The following RPA3 variants were observed in gnomAD, a reference collection of about 807,000 sequenced individuals.
The protein encoded by RPA3 is replication protein A 14 kDa subunit.
Under a neutral mutation model 13.7 loss-of-function variants are expected in RPA3, and 24 were observed. The ratio of observed to expected loss-of-function variants is 1.75; its 90% confidence interval spans 1.27 to 2.46. The LOEUF (loss-of-function observed/expected upper bound fraction) is 2.46. Among genes scored for constraint, RPA3 ranks in the 30% most tolerant of loss-of-function variants. The pLI is 0.00. For synonymous variants in RPA3, 59 were observed against 51.2 expected, an observed-to-expected ratio of 1.15 and a Z score of -0.65; for missense variants, 183 against 151.0, an observed-to-expected ratio of 1.21 and a Z score of -1.11.
intron 2 of RPA3, among the ~76,000 whole-genome samples, chr7:7,688,046 T>C (rs1376664741): frequency 1.3e-5 from 2 of 152,178 alleles, no homozygotes; most frequent in Non-Finnish European, 2.9e-5. Context: ...GCTGTTGCTA[T>C]GTTAGGGGTT....
At chr7:7,697,389 A>T (rs1780347017) in intron 2 of RPA3, among the ~76,000 whole-genome samples, 2 of 152,222 alleles carry the variant, frequency 1.3e-5, no homozygotes, top group Non-Finnish European at 2.9e-5. Flanking sequence ...CCTATGAAAC[A>T]GATAAATTAT....
intron 4 of RPA3, among the ~76,000 whole-genome samples, chr7:7,647,366 A>G (rs1427803048): frequency 6.6e-6 from 1 of 152,200 alleles, no homozygotes; most frequent in Non-Finnish European, 1.5e-5. Context: ...ATATGAGACT[A>G]ATTCTTTGAA....
intron 4 of RPA3, among the ~76,000 whole-genome samples, chr7:7,662,162 A>G (rs35972092): frequency 2.8e-4 from 42 of 152,148 alleles, no homozygotes; most frequent in Non-Finnish European, 4.9e-4. Flanking sequence ...CCTTCCCCCC[A>G]CCAAGCTCGA....
At chr7:7,646,303 C>G (rs986527919) in intron 4 of RPA3, among the ~76,000 whole-genome samples, 1 of 84,262 alleles carries the variant, frequency 1.2e-5, no homozygotes, top group African/African-American at 4.1e-5. Flanking sequence ...TACGGTTTGG[C>G]TGTGCCCCAC....
At chr7:7,659,002 A>G (rs1353844636) in intron 4 of RPA3, among the ~76,000 whole-genome samples, 1 of 152,154 alleles carries the variant, frequency 6.6e-6, no homozygotes, top group Non-Finnish European at 1.5e-5. Flanking sequence ...TGGTCTATTC[A>G]GGGATTCGAC....
At position 7,640,663 on chromosome 7, in the gene RPA3, CA is replaced by C. The variant is rs1784946058; in HGVS notation, c.-246del. 2 of 524,704 alleles carry C rather than the reference CA, an allele frequency of 3.8e-6. No individual in the cohort carries two copies. The highest frequency in any genetic ancestry group is 6.8e-6 in the Non-Finnish European group (2 of 292,730). 32.5% of individuals were successfully genotyped at this position (524,704 alleles called of 1,614,324 possible). A position where few individuals can be genotyped will look rare whatever the true frequency, so the allele number is the denominator to read the frequency against. On this transcript the variant is annotated 5_prime_UTR_variant, in exon 5 of 8. Transcript: ENST00000223129. ...TGACGCGCGGCGTCCCGGAAGTTGA[CA>C]GATACAGGGCGAGAGGCAGTGGAGG... is the stretch of plus-strand genomic sequence containing the variant.
At chr7:7,648,838 G>A (rs542129791) in intron 4 of RPA3, among the ~76,000 whole-genome samples, 11 of 151,284 alleles carry the variant, frequency 7.3e-5, no homozygotes, top group Non-Finnish European at 1.5e-4. Context: ...GGGCGACAGA[G>A]TGAGACCCTG....
intron 4 of RPA3, among the ~76,000 whole-genome samples, chr7:7,649,750 C>T (rs1314879080): frequency 6.6e-6 from 1 of 151,824 alleles, no homozygotes; most frequent in Non-Finnish European, 1.5e-5. Context: ...CTCTCTCCCC[C>T]CACCCAATTC....
intron 4 of RPA3, among the ~76,000 whole-genome samples, chr7:7,673,948 G>T (rs1413037318): frequency 6.6e-6 from 1 of 152,122 alleles, no homozygotes; most frequent in Non-Finnish European, 1.5e-5. Flanking sequence ...AAAGGTTTTA[G>T]TGTCTTTAAA....
At chr7:7,656,105 G>T (rs1785335885) in intron 4 of RPA3, among the ~76,000 whole-genome samples, 1 of 152,034 alleles carries the variant, frequency 6.6e-6, no homozygotes, top group Non-Finnish European at 1.5e-5. Flanking sequence ...AAAGTACTGA[G>T]ATTACAGGCA....
chr7:7,647,412 A>T (rs910458259), intron 4 of RPA3, among the ~76,000 whole-genome samples: 2 of 152,232 alleles, frequency 1.3e-5, no homozygotes, highest in Non-Finnish European at 2.9e-5. Context: ...TATTAGGAAC[A>T]TGGACAATTT....
intron 4 of RPA3, among the ~76,000 whole-genome samples, chr7:7,680,837 C>G (rs1779890895): frequency 6.6e-6 from 1 of 151,296 alleles, no homozygotes; most frequent in South Asian, 2.1e-4. Context: ...GTTTCTTTTT[C>G]AAATTGTTTG....
chr7:7,673,652 C>T (rs563590108), intron 4 of RPA3, among the ~76,000 whole-genome samples: 1 of 151,788 alleles, frequency 6.6e-6, no homozygotes, highest in Admixed American at 6.6e-5. Flanking sequence ...ACTTTTCTTC[C>T]GTGTTGATTT....
Position 7,640,376 on chromosome 7 carries a change from CG to C in RPA3, c.42del (p.Gly15AlafsTer3). ...MMDLPRSRINAGMLAQFIDKP... is the reference protein window; with the variant it reads ...MMDLPRSRINXGMLAQFIDKP... The stretch of plus-strand genomic sequence containing the variant: ...TTGTCGATGAATTGAGCTAGCATGC[CG>C]GCGTTGATGCGCGACCTGGGCAAGT... On this transcript the variant is annotated frameshift_variant, in exon 5 of 8. Coordinates refer to ENST00000223129, the MANE Select transcript of RPA3 (RefSeq NM_002947.5). LOFTEE classifies it high-confidence loss of function. 6 of 1,614,092 alleles carry C rather than the reference CG, an allele frequency of 3.7e-6. No homozygotes were observed. Among genetic ancestry groups the C allele is most frequent in the Middle Eastern group, 1.6e-4 (1 of 6,062 alleles).
At chr7:7,695,384 A>G (rs1189773868) in intron 2 of RPA3, among the ~76,000 whole-genome samples, 1 of 152,242 alleles carries the variant, frequency 6.6e-6, no homozygotes, top group African/African-American at 2.4e-5. Flanking sequence ...AAGGCTGTAG[A>G]GAGAGAAAAA....
chr7:7,703,553 G>T (rs749174402), intron 2 of RPA3, among the ~76,000 whole-genome samples: 7 of 152,160 alleles, frequency 4.6e-5, no homozygotes, highest in Non-Finnish European at 7.3e-5. Flanking sequence ...TCCTGACTCA[G>T]GTTTCAGACA....
chr7:7,681,621 T>A (rs1381323636), intron 4 of RPA3, among the ~76,000 whole-genome samples: 1 of 152,126 alleles, frequency 6.6e-6, no homozygotes, highest in Non-Finnish European at 1.5e-5. Context: ...GTTGAAGTAA[T>A]CCTCCAGGGT....
At chr7:7,700,317 C>G (rs1780428240) in intron 2 of RPA3, among the ~76,000 whole-genome samples, 1 of 152,120 alleles carries the variant, frequency 6.6e-6, no homozygotes, top group Admixed American at 6.5e-5. Flanking sequence ...ACCAAAGTAC[C>G]TCCCAAAGGT....
At chr7:7,712,282 G>A (rs941452000) in intron 2 of RPA3, among the ~76,000 whole-genome samples, 1 of 151,994 alleles carries the variant, frequency 6.6e-6, no homozygotes, top group African/African-American at 2.4e-5. Context: ...AAATTTTATT[G>A]AACATATAGA....
Sources: gnomAD v4.1 joint callset for allele counts (sites outside exome capture counted in the v4.1 genomes callset) on GRCh38, gnomAD v4.1.1 for gene constraint, MANE v1.5 for transcripts, NCBI Gene and HGNC (gene_info 2026-07-23, HGNC 2026-07-21) for gene names.